Variants in DGKQ observed in about 807,000 individuals in gnomAD.
DGKQ encodes DAG kinase theta.
A neutral mutation model predicts 104.2 loss-of-function variants in DGKQ; 97 were observed. The ratio of observed to expected loss-of-function variants is 0.93; its 90% CI spans 0.79 to 1.10. DGKQ has a LOEUF of 1.10. Ranked by LOEUF, DGKQ falls within the 50% of genes least tolerant of loss-of-function variation. The pLI, the probability that DGKQ is intolerant of heterozygous loss-of-function variation, is 0.00. For missense variants in DGKQ, 1,465 were observed against 1,352.1 expected, an observed-to-expected ratio of 1.08 and a Z score of -1.31; for synonymous variants, 736 against 595.2, an observed-to-expected ratio of 1.24 and a Z score of -3.44.
At chr4:964,543 C>T (rs892379458) in intron 15 of DGKQ, among the ~76,000 whole-genome samples, 4 of 151,950 alleles carry the variant, frequency 2.6e-5, no homozygotes, top group African/African-American at 9.7e-5. Context: ...TTCCCCCCGG[C>T]CCTGCCCTGT....
At chr4:973,162 G>A in intron 1 of DGKQ, 50 bp downstream of exon 1, 4 of 1,449,718 alleles carry the variant, frequency 2.8e-6, no homozygotes, top group Non-Finnish European at 3.6e-6. Flanking sequence ...TCCCGCCCAC[G>A]GGGCAGAGGC....
rs769702263 is a variant in DGKQ at position 966,799 on chromosome 4, C to T, written c.1315G>A (p.Glu439Lys). ...EVLPLLGRQA[E>K]SPESFQLVEV... Reference sequence around the variant, plus strand: ...ACCAGCTGGAAGCTCTCGGGACTCTCGGCCTGTTGGGGTAGAGCTTGGCAT... The same window carrying T: ...ACCAGCTGGAAGCTCTCGGGACTCTTGGCCTGTTGGGGTAGAGCTTGGCAT... The change falls in exon 11 of 23, where the codon GAG (glutamate) becomes AAG (lysine). Residue 439 changes from glutamate to lysine, a missense_variant. Glu to Lys is a moderately conservative substitution (Grantham distance 56). Coordinates refer to ENST00000273814, the MANE Select transcript of DGKQ (RefSeq NM_001347.4). 1.9e-5 allele frequency: 31 copies of T among 1,609,274 alleles called. No homozygotes were observed. The African/African-American group carries it at 2.0e-4, about 10-fold the overall frequency.
In DGKQ at chr4:971,155, T is replaced by G. The variant is rs1712900803; in HGVS notation, c.272-83A>C. 1 of 1,006,222 alleles carries G rather than the reference T, an allele frequency of 9.9e-7. No individual in the cohort carries two copies. The highest frequency in any genetic ancestry group is 1.5e-6 in the Non-Finnish European group (1 of 659,922). 62.3% of individuals were successfully genotyped at this position (1,006,222 alleles called of 1,614,324 possible). The stretch of plus-strand genomic sequence containing the variant: ...CAGGAAGTTAGAGGCCCCAGGGCAA[T>G]GACTGCCATACCCACCATGCTGCAC... On this transcript the variant is annotated intron_variant, in intron 1 of 22. Transcript: ENST00000273814. This position sits in a 1 kb window ranked among gnomAD's most constrained non-coding sequence, Gnocchi z 4.0.
At chr4:966,218 G>A (rs1712321729) in intron 12 of DGKQ, 140 bp from the exon 13 acceptor site, 5 of 1,009,472 alleles carry the variant, frequency 5.0e-6, no homozygotes, top group South Asian at 1.6e-5. Context: ...AACGAGGAAA[G>A]GGGCCACAGA....
At position 968,469 on chromosome 4, in the gene DGKQ, G is replaced by A; in HGVS notation, c.537+10C>T. On this transcript the variant is annotated intron_variant, in intron 4 of 22. Coordinates refer to ENST00000273814, the MANE Select transcript of DGKQ (RefSeq NM_001347.4). ...CACCCCCCAGGGCTCCCTGGGGCCG[G>A]TACACTCACGTGATCCTGGTGCCCA... 1.2e-6 allele frequency: 2 copies of A among 1,601,670 alleles called. No homozygotes were observed. Among genetic ancestry groups the A allele is most frequent in the South Asian group, 1.1e-5 (1 of 89,364 alleles).
chr4:965,118 G>T (rs200004083), intron 15 of DGKQ, 58 bp downstream of exon 15: 3 of 1,449,410 alleles, frequency 2.1e-6, no homozygotes, highest in African/African-American at 1.4e-5. Context: ...TGCAGACCCC[G>T]ACCTCCCTCT....
chr4:962,807 G>A lies in DGKQ; in HGVS notation c.2000C>T (p.Pro667Leu), dbSNP rs759728719. 9.3e-6 allele frequency: 15 copies of A among 1,605,754 alleles called. No individual in the cohort carries two copies. Among genetic ancestry groups the A allele is most frequent in the African/African-American group, 6.7e-5 (5 of 74,856 alleles). Residue 667 changes from proline (P) to leucine (L), a missense_variant, in exon 17 of 23, where the codon CCG becomes CTG. Transcript: ENST00000273814. ...LEETRYRLAC[P>L]EPSVAILPLG... is the part of the protein sequence containing the mutation. ...GGGCAGGATGGCCACAGAAGGCTCC[G>A]GGCAGGCCAGTCGGTACCGTGTCTC... is the stretch of plus-strand genomic sequence containing the variant.
In DGKQ at chr4:961,945, TGCCGTTGACAGGTG is replaced by T. The variant is rs774721335; in HGVS notation, c.2315+23_2315+36del. ...CCTGCTGGGGGACCTGAGGGAGGTA[TGCCGTTGACAGGTG>T]GTAGCCCCTGCGGCTCCGGTACCTG... On this transcript the variant is annotated intron_variant, in intron 19 of 22. Coordinates refer to ENST00000273814, the MANE Select transcript of DGKQ (RefSeq NM_001347.4). 3.2e-5 allele frequency: 51 copies of T among 1,611,330 alleles called. 1 individual carries two copies. The South Asian group carries it at 5.4e-4, about 17-fold the overall frequency.
At chr4:972,178 C>T (rs988503366) in intron 1 of DGKQ, among the ~76,000 whole-genome samples, 1 of 152,090 alleles carries the variant, frequency 6.6e-6, no homozygotes, top group Non-Finnish European at 1.5e-5. Context: ...TTGCCCCCTC[C>T]GAAGGGGGAG....
chr4:971,234 G>C lies in DGKQ; in HGVS notation c.272-162C>G, dbSNP rs1004405030. On this transcript the variant is annotated intron_variant, in intron 1 of 22. Transcript: ENST00000273814. This position sits in a 1 kb window ranked among gnomAD's most constrained non-coding sequence, Gnocchi z 4.0. ...CACCACCCTGCCCACTCATTGGAGA[G>C]AGCCTGCAGCCCAGGAGCCCAGGAG... Among the ~76,000 whole-genome samples the C allele has an allele frequency of 1.3e-5, 2 of 152,102 alleles. No homozygotes were observed. The highest frequency in any genetic ancestry group is 6.5e-5 in the Admixed American group (1 of 15,280).
intron 8 of DGKQ, 51 bp downstream of exon 8, chr4:967,498 G>C (rs1352118486): frequency 1.3e-6 from 2 of 1,573,432 alleles, no homozygotes; most frequent in South Asian, 2.2e-5. Flanking sequence ...CCAGGTGCGG[G>C]GACATGCGGT....
Position 967,718 on chromosome 4 carries a change from G to C in DGKQ, c.886+10C>G, listed in dbSNP as rs761437853. ...TCAGTGGAGTTGGGGGGAATGAGGC[G>C]GGCACTTACCGGACTCCGGAGTTGC... On this transcript the variant is annotated intron_variant, in intron 7 of 22. Transcript: ENST00000273814. 42 of 1,611,520 alleles carry C rather than the reference G, an allele frequency of 2.6e-5. No individual in the cohort carries two copies. The highest frequency in any genetic ancestry group is 1.6e-4 in the Middle Eastern group (1 of 6,076).
At position 961,467 on chromosome 4, in the gene DGKQ, C is replaced by T. The variant is rs1303807943; in HGVS notation, c.2574G>A (p.Met858Ile). ...EVVGVTGVVH[M>I]GQVQGGLRSG... ...CCCGCCCACTCGGCCGGCGGCTCAC[C>T]ATGTGCACGACGCCCGTCACGCCCA... The change falls in exon 21 of 23, where the codon ATG becomes ATA. Residue 858 changes from methionine (M) to isoleucine (I), a missense_variant and splice_region_variant. Transcript: ENST00000273814. 1 of 1,593,958 alleles carries T rather than the reference C, an allele frequency of 6.3e-7. No homozygotes were observed. The highest frequency in any genetic ancestry group is 8.5e-7 in the Non-Finnish European group (1 of 1,172,894).
intron 16 of DGKQ, 43 bp downstream of exon 16, chr4:963,096 C>A: frequency 1.3e-6 from 2 of 1,558,242 alleles, no homozygotes; most frequent in East Asian, 4.6e-5. Context: ...GGGCCCTTCC[C>A]GCCCCTGCTG....
chr4:967,740 T>C lies in DGKQ; in HGVS notation c.874A>G (p.Thr292Ala), dbSNP rs1163737752. ...AVGPGRETQA[T>A]PESGKQTLKI... ...GGCGGGCACTTACCGGACTCCGGAG[T>C]TGCCTGTGTCTCTCTGCCTGGACCC... The change falls in exon 7 of 23, where the codon ACT becomes GCT. Residue 292 changes from threonine to alanine, a missense_variant. Physicochemically the swap from Thr to Ala is moderately conservative, Grantham distance 58. Transcript: ENST00000273814. 1 of 1,610,808 alleles carries C rather than the reference T, an allele frequency of 6.2e-7. No homozygotes were observed. Among genetic ancestry groups the C allele is most frequent in the East Asian group, 2.2e-5 (1 of 44,772 alleles).
intron 1 of DGKQ, among the ~76,000 whole-genome samples, chr4:972,658 C>CCT (rs1713026490): frequency 8.5e-5 from 13 of 152,248 alleles, no homozygotes; most frequent in African/African-American, 2.9e-4. Context: ...TCCCCGGGGC[C>CCT]CGCCTGCTTG....
Position 971,175 on chromosome 4 carries a change from C to G in DGKQ, c.272-103G>C, listed in dbSNP as rs1712902819. The G allele has an allele frequency of 1.2e-6, 1 of 814,656 alleles. No homozygotes were observed. Among genetic ancestry groups the G allele is most frequent in the Middle Eastern group, 2.4e-4 (1 of 4,248 alleles). The allele number at this position is 814,656 out of a possible 1,614,324, so 50.5% of individuals were successfully genotyped here. A position where few individuals can be genotyped will look rare whatever the true frequency, so the allele number is the denominator to read the frequency against. On this transcript the variant is annotated intron_variant, in intron 1 of 22. Coordinates refer to ENST00000273814, the MANE Select transcript of DGKQ (RefSeq NM_001347.4). The surrounding 1 kb of genome is among the most constrained non-coding windows in gnomAD (Gnocchi z 4.0). The stretch of plus-strand genomic sequence containing the variant: ...GGCAATGACTGCCATACCCACCATG[C>G]TGCACCAGGGGCCCTGTGGTCCTCG...
chr4:966,608 G>A (rs111755277), intron 11 of DGKQ, 81 bp from the exon 12 acceptor site: 40 of 1,517,824 alleles, frequency 2.6e-5, no homozygotes, highest in South Asian at 5.9e-5. Flanking sequence ...CCCAGGGCCC[G>A]TGGGGATGCA....
chr4:961,245 G>T, intron 21 of DGKQ, 44 bp from the exon 22 acceptor site: 1 of 1,474,006 alleles, frequency 6.8e-7, no homozygotes, highest in Non-Finnish European at 9.0e-7. Flanking sequence ...GATCAGGGAC[G>T]CCCACCGCTG....
Sources: gnomAD v4.1 joint callset for allele counts (sites outside exome capture counted in the v4.1 genomes callset) on GRCh38, gnomAD v4.1.1 for gene constraint, Gnocchi (gnomAD v3.1) non-coding constraint, MANE v1.5 for transcripts, NCBI Gene and HGNC (gene_info 2026-07-23, HGNC 2026-07-21) for gene names.